Variants in GHR observed in about 807,000 individuals in gnomAD.
GHR encodes growth hormone receptor.
A neutral mutation model predicts 67.1 loss-of-function variants in GHR; 35 were observed. The ratio of observed to expected loss-of-function variants is 0.52; its 90% confidence interval spans 0.40 to 0.69. GHR has a LOEUF of 0.69. Among genes scored for constraint, GHR ranks in the 30% least tolerant of loss-of-function variants. The pLI is 0.00. For synonymous variants in GHR, 272 were observed against 269.1 expected (o/e 1.01, Z -0.10); for missense variants, 792 against 764.6 (o/e 1.04, Z -0.42).
At chr5:42,500,547 A>G (rs541272522) in intron 1 of GHR, among the ~76,000 whole-genome samples, 57 of 152,264 alleles carry the variant, frequency 3.7e-4, no homozygotes, top group Non-Finnish European at 6.5e-4. Flanking sequence ...TTAATGTTAT[A>G]TAATACCAAA....
At chr5:42,639,281 CT>C (rs1205512847) in intron 3 of GHR, among the ~76,000 whole-genome samples, 2 of 152,108 alleles carry the variant, frequency 1.3e-5, no homozygotes, top group Non-Finnish European at 2.9e-5. Flanking sequence ...TGAATTTTTG[CT>C]GAAGAATAAA....
chr5:42,580,131 G>A (rs1451059188), intron 2 of GHR, among the ~76,000 whole-genome samples: 1 of 152,030 alleles, frequency 6.6e-6, no homozygotes, highest in Admixed American at 6.5e-5. Flanking sequence ...ACATATTTAT[G>A]TCTTATATCT....
chr5:42,556,762 C>T (rs6868132), intron 1 of GHR, among the ~76,000 whole-genome samples: 25,049 of 152,074 alleles, frequency 0.16, 2,355 homozygotes, highest in Non-Finnish European at 0.19. Context: ...GGGATAGTTG[C>T]GGGGAGGCAT....
At chr5:42,430,112 T>C (rs149985863) in intron 1 of GHR, among the ~76,000 whole-genome samples, 1 of 152,328 alleles carries the variant, frequency 6.6e-6, no homozygotes, top group African/African-American at 2.4e-5. Context: ...TCCCATGTCC[T>C]GTTGTAGGTC....
chr5:42,647,473 C>G (rs1754796056), intron 3 of GHR, among the ~76,000 whole-genome samples: 1 of 151,320 alleles, frequency 6.6e-6, no homozygotes, highest in Non-Finnish European at 1.5e-5. Flanking sequence ...ACTCTGGAGG[C>G]TGAGGCAGGA....
chr5:42,588,954 C>A (rs1751636399), intron 2 of GHR, among the ~76,000 whole-genome samples: 1 of 152,156 alleles, frequency 6.6e-6, no homozygotes, highest in Non-Finnish European at 1.5e-5. Flanking sequence ...GAAACTACAT[C>A]ACCTGCTTCA....
intron 1 of GHR, among the ~76,000 whole-genome samples, chr5:42,496,847 T>C (rs2112216383): frequency 6.6e-6 from 1 of 152,304 alleles, no homozygotes; most frequent in East Asian, 1.9e-4. Context: ...CAGGGCAGAA[T>C]GGTAAAATTT....
chr5:42,608,154 G>C (rs1266934059), intron 2 of GHR, among the ~76,000 whole-genome samples: 2 of 152,096 alleles, frequency 1.3e-5, no homozygotes, highest in East Asian at 3.9e-4. Context: ...TTATCTATCT[G>C]ACCAGGTTAT....
At chr5:42,432,286 A>G (rs1277976537) in intron 1 of GHR, among the ~76,000 whole-genome samples, 2 of 152,322 alleles carry the variant, frequency 1.3e-5, no homozygotes, top group African/African-American at 4.8e-5. Flanking sequence ...TTGAATTGCC[A>G]TATCAATGAA....
chr5:42,647,464 C>G (rs1024017371), intron 3 of GHR, among the ~76,000 whole-genome samples: 5 of 151,744 alleles, frequency 3.3e-5, no homozygotes, highest in African/African-American at 1.2e-4. Flanking sequence ...GTCCCAGCTA[C>G]TCTGGAGGCT....
rs946593455 is a variant in GHR at position 42,447,489 on chromosome 5, G to GTA, written c.-12+23544_-12+23545dup. Among the ~76,000 whole-genome samples, 21 of 152,004 alleles carry GTA rather than the reference G, an allele frequency of 1.4e-4. 1 individual carries two copies. The highest frequency in any genetic ancestry group is 6.3e-4 in the South Asian group (3 of 4,794). The stretch of plus-strand genomic sequence containing the variant: ...TTTTATGGCTGAGTAGTATTCCATG[G>GTA]TATATATATATCACATTTTCTTTAT... On this transcript the variant is annotated intron_variant, in intron 1 of 9. Transcript: ENST00000230882.
At chr5:42,565,176 C>T (rs1749855351) in intron 1 of GHR, among the ~76,000 whole-genome samples, 1 of 152,156 alleles carries the variant, frequency 6.6e-6, no homozygotes, top group Non-Finnish European at 1.5e-5. Context: ...CAGACGCATC[C>T]CTCTTGGTGT....
intron 3 of GHR, among the ~76,000 whole-genome samples, chr5:42,656,603 G>A (rs1033345296): frequency 4.6e-5 from 7 of 152,162 alleles, no homozygotes; most frequent in East Asian, 3.8e-4. Flanking sequence ...CCTACCTGGC[G>A]AGGAATCAGC....
At chr5:42,583,810 C>T (rs991018990) in intron 2 of GHR, among the ~76,000 whole-genome samples, 1 of 151,332 alleles carries the variant, frequency 6.6e-6, no homozygotes, top group Non-Finnish European at 1.5e-5. Flanking sequence ...TGGTTCTTTC[C>T]TGCCTTCCCT....
In GHR at chr5:42,670,880, A is replaced by AAAT. The variant is rs1554034852; in HGVS notation, c.137-18009_137-18008insATA. Among the ~76,000 whole-genome samples, 501 of 118,172 alleles carry AAAT rather than the reference A, an allele frequency of 4.2e-3. 1 individual carries two copies. The highest frequency in any genetic ancestry group is 0.01 in the Middle Eastern group (2 of 200). The allele number at this position is 118,172 out of a possible 152,430, so 77.5% of individuals were successfully genotyped here. A position where few individuals can be genotyped will look rare whatever the true frequency, so the allele number is the denominator to read the frequency against. On this transcript the variant is annotated intron_variant, in intron 3 of 9. Coordinates refer to ENST00000230882, the MANE Select transcript of GHR (RefSeq NM_000163.5). ...AAGCAAAAATTAAAAAAAAAAAAAA[A>AAAT]ATATATATATATATATAGGCAACAA... is the stretch of plus-strand genomic sequence containing the variant.
chr5:42,719,099 A>G lies in GHR; in HGVS notation c.1592A>G (p.Asp531Gly), dbSNP rs889434316. ...VSLCQENFLMDNAYFCEADAK... is the reference protein window; with the variant it reads ...VSLCQENFLMGNAYFCEADAK... ...CTCTGCCAAGAAAACTTCCTTATGG[A>G]CAATGCCTACTTCTGTGAGGCAGAT... The change falls in exon 10 of 10, where the codon GAC (aspartate) becomes GGC (glycine). Residue 531 changes from aspartate to glycine, a missense_variant. By Grantham distance (94) the Asp-to-Gly change is moderately conservative. Coordinates refer to ENST00000230882, the MANE Select transcript of GHR (RefSeq NM_000163.5). 6.2e-7 allele frequency: 1 copy of G among 1,614,100 alleles called. No individual in the cohort carries two copies. Among genetic ancestry groups the G allele is most frequent in the Admixed American group, 1.7e-5 (1 of 60,026 alleles).
At chr5:42,699,801 T>G in intron 5 of GHR, 23 bp from the exon 6 acceptor site, 1 of 1,524,818 alleles carries the variant, frequency 6.6e-7, no homozygotes, top group Non-Finnish European at 9.1e-7. Context: ...GTCTGTGTAC[T>G]AATGCTCTGT....
Position 42,719,176 on chromosome 5 carries a change from C to A in GHR, c.1669C>A (p.Gln557Lys). Residue 557 changes from glutamine to lysine, a missense_variant, in exon 10 of 10, where the codon CAG (glutamine) becomes AAG (lysine). Physicochemically the swap from Gln to Lys is moderately conservative, Grantham distance 53 (BLOSUM62 1). Coordinates refer to ENST00000230882, the MANE Select transcript of GHR (RefSeq NM_000163.5). ...APHIKVESHI[Q>K]PSLNQEDIYI... ...TCACATCAAGGTTGAATCACACATACAGCCAAGCTTAAACCAAGAGGACAT... is the reference window on the plus strand; with the variant it reads ...TCACATCAAGGTTGAATCACACATAAAGCCAAGCTTAAACCAAGAGGACAT... 1 of 1,614,164 alleles carries A rather than the reference C, an allele frequency of 6.2e-7. No individual in the cohort carries two copies. The highest frequency in any genetic ancestry group is 8.5e-7 in the Non-Finnish European group (1 of 1,180,008).
chr5:42,637,041 GT>G (rs1415116557), intron 3 of GHR, among the ~76,000 whole-genome samples: 3 of 152,034 alleles, frequency 2.0e-5, no homozygotes, highest in Non-Finnish European at 1.5e-5. Context: ...CTACCTCTGT[GT>G]TTTTTTTCTT....
Sources: gnomAD v4.1 joint callset for allele counts (sites outside exome capture counted in the v4.1 genomes callset) on GRCh38, gnomAD v4.1.1 for gene constraint, MANE v1.5 for transcripts, NCBI Gene and HGNC (gene_info 2026-07-23, HGNC 2026-07-21) for gene names.